Variants in IRAK1BP1 observed in about 807,000 individuals in gnomAD.
IRAK1BP1 encodes interleukin-1 receptor-associated kinase 1-binding protein 1.
IRAK1BP1 carries 24 observed loss-of-function variants against 28.0 expected under a neutral mutation model. The ratio of observed to expected loss-of-function variants is 0.86; its 90% CI spans 0.62 to 1.20. The LOEUF is 1.20. Ranked by LOEUF, IRAK1BP1 falls within the 50% of genes most tolerant of loss-of-function variation. The probability of loss-of-function intolerance (pLI) is 0.00; values close to 1 mark genes in which losing one functional copy is unlikely to be tolerated. For missense variants in IRAK1BP1, 336 were observed against 316.7 expected (o/e 1.06, Z -0.46); for synonymous variants, 131 against 116.3 (o/e 1.13, Z -0.81).
the IRAK1BP1 span, chr6:78,963,084 T>C: frequency 4.5e-6 from 7 of 1,570,696 alleles, no homozygotes; most frequent in Non-Finnish European, 4.3e-6. Context: ...TACTCGCGTG[T>C]TGCTTTACTT....
At chr6:78,944,938 A>G (rs9688399) in intron 4 of IRAK1BP1, among the ~76,000 whole-genome samples, 17,387 of 151,618 alleles carry the variant, frequency 0.11, 1,241 homozygotes, top group African/African-American at 0.18. Flanking sequence ...GACAACCCCA[A>G]TGAATTATTA....
At chr6:78,933,667 A>C (rs1405162532) in intron 4 of IRAK1BP1, among the ~76,000 whole-genome samples, 1 of 139,548 alleles carries the variant, frequency 7.2e-6, no homozygotes, top group African/African-American at 2.9e-5. Flanking sequence ...CTAGCTTCCA[A>C]CTTTTTTTTT....
the IRAK1BP1 span, chr6:78,957,388 A>G: frequency 1.3e-5 from 2 of 151,970 alleles, no homozygotes; most frequent in African/African-American, 4.8e-5. Flanking sequence ...TAGCAATAAT[A>G]GCCCCCAAAC....
rs1165607008 is a variant in IRAK1BP1 at position 78,901,935 on chromosome 6, A to G, written c.*3601A>G. 1 of 152,178 alleles carries G rather than the reference A, an allele frequency of 6.6e-6. No homozygotes were observed. Among genetic ancestry groups the G allele is most frequent in the Non-Finnish European group, 1.5e-5 (1 of 68,030 alleles). The allele number at this position is 152,178 out of a possible 1,614,324, so 9.4% of individuals were successfully genotyped here. A position where few individuals can be genotyped will look rare whatever the true frequency, so the allele number is the denominator to read the frequency against. ...TATCTCAACTCTGTCAGATTTGTTG[A>G]TAAGAATTTAATAGTAAGGAGTTCT... On this transcript the variant is annotated 3_prime_UTR_variant, in exon 4 of 4. Transcript: ENST00000369940.
the IRAK1BP1 span, chr6:78,958,436 A>G: frequency 8.2e-7 from 1 of 1,225,330 alleles, no homozygotes; most frequent in Non-Finnish European, 1.2e-6. Context: ...GCCATTAATT[A>G]TTAAAACTAT....
intron 1 of IRAK1BP1, among the ~76,000 whole-genome samples, chr6:78,879,642 G>T (rs1014260852): frequency 2.6e-5 from 4 of 152,196 alleles, no homozygotes; most frequent in Non-Finnish European, 5.9e-5. Flanking sequence ...TCTGCCCACT[G>T]CATTTTGGTA....
intron 4 of IRAK1BP1, chr6:78,935,457 C>T (rs1236465210): frequency 2.9e-5 from 28 of 965,260 alleles, no homozygotes; most frequent in Non-Finnish European, 3.2e-5. Flanking sequence ...TCCTTTTTTC[C>T]CAGAAATTGC....
intron 2 of IRAK1BP1, among the ~76,000 whole-genome samples, chr6:78,897,499 T>C (rs1410999881): frequency 6.6e-6 from 1 of 152,130 alleles, no homozygotes; most frequent in South Asian, 2.1e-4. Flanking sequence ...GGGCATTGAT[T>C]AGACAAAGGA....
At chr6:78,942,883 T>C (rs28606484) in intron 4 of IRAK1BP1, among the ~76,000 whole-genome samples, 1 of 152,136 alleles carries the variant, frequency 6.6e-6, no homozygotes, top group Non-Finnish European at 1.5e-5. Flanking sequence ...TATAAAGCAA[T>C]ATATAATGTA....
chr6:78,957,380 G>C, the IRAK1BP1 span: 1 of 151,794 alleles, frequency 6.6e-6, no homozygotes, highest in African/African-American at 2.4e-5. Context: ...CAAAAGCATA[G>C]CAATAATAGC....
intron 1 of IRAK1BP1, among the ~76,000 whole-genome samples, chr6:78,877,455 T>C (rs1391162031): frequency 6.6e-6 from 1 of 152,222 alleles, no homozygotes; most frequent in Non-Finnish European, 1.5e-5. Flanking sequence ...TGTCTTCTTA[T>C]ATGGGTTGTT....
the IRAK1BP1 span, chr6:78,969,726 C>G: frequency 3.6e-6 from 2 of 550,422 alleles, no homozygotes; most frequent in Admixed American, 3.7e-5. Context: ...CTACAAATAG[C>G]AAAAAGATTT....
intron 4 of IRAK1BP1, among the ~76,000 whole-genome samples, chr6:78,914,913 C>T (rs1229239909): frequency 3.3e-5 from 5 of 152,132 alleles, no homozygotes; most frequent in African/African-American, 1.2e-4. Flanking sequence ...CTCCACCTTC[C>T]AGGTTCAAGT....
Position 78,898,411 on chromosome 6 carries a change from A to AATATTTATATATATATATAT in IRAK1BP1, c.*81_*82insTTATATATATATATATATAT, listed in dbSNP as rs1771976023. 2.3e-5 allele frequency: 2 copies of AATATTTATATATATATATAT among 86,364 alleles called. No homozygotes were observed. Among genetic ancestry groups the AATATTTATATATATATATAT allele is most frequent in the Admixed American group, 1.7e-4 (1 of 5,950 alleles). 5.3% of individuals were successfully genotyped at this position (86,364 alleles called of 1,614,324 possible). On this transcript the variant is annotated 3_prime_UTR_variant, in exon 4 of 4. Coordinates refer to ENST00000369940, the MANE Select transcript of IRAK1BP1 (RefSeq NM_001010844.4). ...TTTTATAATGTTTACGTTTGTCCTG[A>AATATTTATATATATATATAT]ATATATATATATATATATATATATA...
intron 4 of IRAK1BP1, among the ~76,000 whole-genome samples, chr6:78,910,722 G>C (rs894590753): frequency 1.3e-5 from 2 of 152,268 alleles, no homozygotes; most frequent in Non-Finnish European, 1.5e-5. Flanking sequence ...GGCGGCGGCC[G>C]CAAGGACCGC....
At position 78,867,901 on chromosome 6, in the gene IRAK1BP1, C is replaced by G; in HGVS notation, c.315+10C>G. Reference sequence around the variant, plus strand: ...GCAGCAGGGCGTGCAGGTGAGATCTCCGCGGGGGAGGAAATAAGAGCCGGA... The same window carrying G: ...GCAGCAGGGCGTGCAGGTGAGATCTGCGCGGGGGAGGAAATAAGAGCCGGA... On this transcript the variant is annotated intron_variant, in intron 1 of 3. Transcript: ENST00000369940. 6.4e-7 allele frequency: 1 copy of G among 1,560,808 alleles called. No homozygotes were observed.
the IRAK1BP1 span, chr6:78,970,749 T>TG: frequency 6.0e-6 from 8 of 1,329,024 alleles, no homozygotes; most frequent in Non-Finnish European, 5.3e-6. Context: ...ATTGTATTTT[T>TG]GGGGCTATTA....
At position 78,871,328 on chromosome 6, in the gene IRAK1BP1, G is replaced by A. The variant is rs1245466775; in HGVS notation, c.315+3437G>A. 7 of 984,884 alleles carry A rather than the reference G, an allele frequency of 7.1e-6. No homozygotes were observed. The East Asian group carries it at 6.8e-4, about 96-fold the overall frequency. The allele number at this position is 984,884 out of a possible 1,614,324, so 61.0% of individuals were successfully genotyped here. A position where few individuals can be genotyped will look rare whatever the true frequency, so the allele number is the denominator to read the frequency against. ...GTTCTAGTGCAAGAGAGGACTAGGA[G>A]TAAATGCTGAAGGGAGTGTTTAACC... On this transcript the variant is annotated intron_variant, in intron 1 of 3. Transcript: ENST00000369940.
intron 4 of IRAK1BP1, chr6:78,935,776 G>A: frequency 1.0e-6 from 1 of 983,490 alleles, no homozygotes; most frequent in Non-Finnish European, 1.2e-6. Flanking sequence ...GACCACTTTG[G>A]TAAGCAGCTT....
Sources: allele counts gnomAD v4.1 joint callset (sites outside exome capture counted in the v4.1 genomes callset), GRCh38; gene constraint gnomAD v4.1.1; transcripts MANE v1.5; gene names NCBI Gene and HGNC (gene_info 2026-07-23, HGNC 2026-07-21).